Variants in STPG1 observed in about 807,000 individuals in gnomAD.
STPG1 encodes O(6)-methylguanine-induced apoptosis 2.
Under a neutral mutation model 40.1 loss-of-function variants are expected in STPG1, and 33 were observed. That is an observed-to-expected ratio of 0.82 (90% CI 0.62 to 1.10). The LOEUF (loss-of-function observed/expected upper bound fraction) is 1.10. Ranked by LOEUF, STPG1 falls within the 50% of genes least tolerant of loss-of-function variation. The probability of loss-of-function intolerance (pLI) is 0.00; values close to 1 mark genes in which losing one functional copy is unlikely to be tolerated. For missense variants in STPG1, 396 were observed against 415.1 expected, an observed-to-expected ratio of 0.95 and a Z score of 0.40; for synonymous variants, 150 against 155.0, an observed-to-expected ratio of 0.97 and a Z score of 0.24.
At chr1:24,378,807 A>T (rs1001409439) in intron 5 of STPG1, among the ~76,000 whole-genome samples, 1 of 152,254 alleles carries the variant, frequency 6.6e-6, no homozygotes, top group Non-Finnish European at 1.5e-5. Context: ...TGCGCACTTC[A>T]GAGTGCTTTC....
upstream of STPG1, chr1:24,414,441 G>A (rs569311215): frequency 6.6e-6 from 1 of 150,518 alleles, no homozygotes; most frequent in Non-Finnish European, 1.5e-5. Context: ...CTCTTCACAC[G>A]CTTCAGGGCA....
intron 1 of STPG1, 55 bp downstream of exon 1, chr1:24,413,619 T>G (rs1643858048): frequency 6.6e-6 from 1 of 152,248 alleles, no homozygotes; most frequent in South Asian, 2.1e-4. Flanking sequence ...TGGTGCGCCG[T>G]GTCCTCTTCC....
intron 6 of STPG1, among the ~76,000 whole-genome samples, chr1:24,370,648 C>T (rs552911773): frequency 1.3e-5 from 2 of 152,226 alleles, no homozygotes; most frequent in South Asian, 2.1e-4. Context: ...CCCACCACCA[C>T]GCCTGGCTAA....
At chr1:24,375,353 G>A (rs560338592) in intron 5 of STPG1, among the ~76,000 whole-genome samples, 1 of 152,278 alleles carries the variant, frequency 6.6e-6, no homozygotes, top group Admixed American at 6.5e-5. Context: ...CTGGGGCCAG[G>A]ATGGTTTGAT....
At chr1:24,397,895 G>T (rs1048827240) in intron 2 of STPG1, among the ~76,000 whole-genome samples, 1 of 152,082 alleles carries the variant, frequency 6.6e-6, no homozygotes, top group Non-Finnish European at 1.5e-5. Flanking sequence ...AAATAAAACT[G>T]CTATGAGCAT....
chr1:24,392,961 A>T (rs1014076079), intron 2 of STPG1, among the ~76,000 whole-genome samples: 3 of 152,170 alleles, frequency 2.0e-5, no homozygotes, highest in African/African-American at 7.2e-5. Context: ...TCATCTCTGA[A>T]TTTTTTTAAA....
chr1:24,389,169 T>A (rs555907772), intron 3 of STPG1, among the ~76,000 whole-genome samples: 6 of 152,318 alleles, frequency 3.9e-5, no homozygotes, highest in Non-Finnish European at 7.4e-5. Flanking sequence ...TTGGTTCCTT[T>A]AGTCAAAAAC....
intron 7 of STPG1, chr1:24,369,310 G>T (rs1446728162): frequency 2.1e-6 from 1 of 481,684 alleles, no homozygotes; most frequent in Non-Finnish European, 4.2e-6. Flanking sequence ...CAGGGAATGA[G>T]GAAAGACTTA....
chr1:24,372,354 A>T (rs1022082789), intron 6 of STPG1, among the ~76,000 whole-genome samples: 1 of 152,206 alleles, frequency 6.6e-6, no homozygotes, highest in Non-Finnish European at 1.5e-5. Context: ...GCTTTGGAGC[A>T]TTCAGTGAGA....
intron 5 of STPG1, among the ~76,000 whole-genome samples, chr1:24,374,208 T>G (rs1641894527): frequency 7.1e-6 from 1 of 141,544 alleles, no homozygotes; most frequent in African/African-American, 2.7e-5. Flanking sequence ...TGTCAGGGAG[T>G]GGGGGTGGCC....
At chr1:24,394,331 G>T (rs1642904259) in intron 2 of STPG1, among the ~76,000 whole-genome samples, 1 of 152,178 alleles carries the variant, frequency 6.6e-6, no homozygotes, top group Non-Finnish European at 1.5e-5. Flanking sequence ...GACCTGAAAA[G>T]ATCAAACTGT....
intron 8 of STPG1, among the ~76,000 whole-genome samples, chr1:24,360,643 C>T (rs1296845482): frequency 6.6e-6 from 1 of 152,160 alleles, no homozygotes; most frequent in Non-Finnish European, 1.5e-5. Flanking sequence ...GAATCCCTGG[C>T]CTGGACCATC....
intron 1 of STPG1, among the ~76,000 whole-genome samples, chr1:24,406,196 T>C (rs1420813236): frequency 1.3e-5 from 2 of 152,142 alleles, no homozygotes; most frequent in Non-Finnish European, 2.9e-5. Context: ...TCTTCATTTC[T>C]GACATATTAG....
At chr1:24,391,200 G>A (rs1642756015) in intron 3 of STPG1, 1 of 157,386 alleles carries the variant, frequency 6.4e-6, no homozygotes, top group African/African-American at 2.4e-5. Flanking sequence ...CCTCTCACAA[G>A]GATGGGGAAG....
intron 7 of STPG1, among the ~76,000 whole-genome samples, chr1:24,365,210 G>A (rs997717593): frequency 3.3e-5 from 5 of 152,174 alleles, no homozygotes; most frequent in South Asian, 2.1e-4. Context: ...TGGGGCCAAC[G>A]GGGCTTGATT....
At chr1:24,371,033 T>C (rs1237030378) in intron 6 of STPG1, among the ~76,000 whole-genome samples, 1 of 152,038 alleles carries the variant, frequency 6.6e-6, no homozygotes, top group African/African-American at 2.4e-5. Context: ...CAGAATAAAA[T>C]GAATTTGTGT....
intron 1 of STPG1, among the ~76,000 whole-genome samples, chr1:24,410,546 T>C (rs1294257237): frequency 1.3e-5 from 2 of 152,252 alleles, no homozygotes; most frequent in South Asian, 2.1e-4. Flanking sequence ...GAGGTGAAGA[T>C]TGCAGTGAGC....
intron 4 of STPG1, 89 bp from the exon 5 acceptor site, chr1:24,379,912 G>C (rs929908247): frequency 2.3e-5 from 31 of 1,330,248 alleles, no homozygotes; most frequent in Non-Finnish European, 3.0e-5. Context: ...ACCAGCACAA[G>C]GTCTAAATGC....
intron 4 of STPG1, among the ~76,000 whole-genome samples, chr1:24,382,917 CTT>C (rs56972835): frequency 1.5e-5 from 2 of 133,456 alleles, no homozygotes; most frequent in Non-Finnish European, 1.6e-5. Flanking sequence ...TTTCTTTTCA[CTT>C]TTTTTTTTTT....
Sources: allele counts gnomAD v4.1 joint callset (sites outside exome capture counted in the v4.1 genomes callset), GRCh38; gene constraint gnomAD v4.1.1; transcripts MANE v1.5; gene names NCBI Gene and HGNC (gene_info 2026-07-23, HGNC 2026-07-21).